ROBO1: variants seen among roughly 807,000 people sequenced by gnomAD.
ROBO1 encodes roundabout homolog 1.
A neutral mutation model predicts 195.9 loss-of-function variants in ROBO1; 149 were observed. The observed-to-expected ratio is 0.76, with a 90% CI of 0.67 to 0.87. ROBO1 has a LOEUF of 0.87. Ranked by LOEUF, ROBO1 falls within the 40% of genes least tolerant of loss-of-function variation. The pLI is 0.00. For synonymous variants in ROBO1, 816 were observed against 733.2 expected, an observed-to-expected ratio of 1.11 and a Z score of -1.82; for missense variants, 1,933 against 2,068.3, an observed-to-expected ratio of 0.93 and a Z score of 1.27.
At chr3:78,744,916 T>C (rs1344802735) in intron 5 of ROBO1, among the ~76,000 whole-genome samples, 1 of 152,208 alleles carries the variant, frequency 6.6e-6, no homozygotes, top group East Asian at 1.9e-4. Flanking sequence ...TTACTGTATA[T>C]TACACTTATT....
intron 2 of ROBO1, among the ~76,000 whole-genome samples, chr3:79,532,598 A>G (rs762173668): frequency 4.6e-5 from 7 of 150,992 alleles, no homozygotes; most frequent in Non-Finnish European, 8.8e-5. Context: ...CAGGCAACAC[A>G]TATTTAAACT....
intron 8 of ROBO1, among the ~76,000 whole-genome samples, chr3:78,690,322 T>C (rs2081144447): frequency 6.6e-6 from 1 of 151,948 alleles, no homozygotes; most frequent in South Asian, 2.1e-4. Flanking sequence ...TTATAACATT[T>C]GACTAGAAAA....
At chr3:79,437,620 C>T (rs1292839223) in intron 2 of ROBO1, among the ~76,000 whole-genome samples, 1 of 151,910 alleles carries the variant, frequency 6.6e-6, no homozygotes, top group Non-Finnish European at 1.5e-5. Flanking sequence ...ATAACTCTCA[C>T]GTAGACAATA....
chr3:79,668,748 C>G (rs1946545801), intron 1 of ROBO1, among the ~76,000 whole-genome samples: 1 of 151,602 alleles, frequency 6.6e-6, no homozygotes, highest in Non-Finnish European at 1.5e-5. Flanking sequence ...ACTTGGCAAC[C>G]TAAATGTAAG....
rs1409342409 is a variant in ROBO1, at chr3:78,982,193, AATC to A, written c.173-43269_173-43267del. Among the ~76,000 whole-genome samples the A allele has an allele frequency of 3.1e-4, 47 of 152,060 alleles. 1 individual carries two copies. Among genetic ancestry groups the A allele is most frequent in the Non-Finnish European group, 8.8e-5 (6 of 68,008 alleles). On this transcript the variant is annotated intron_variant, in intron 3 of 30. Transcript: ENST00000464233. ...TTTCGGCTCACTGATTTCTCCTAAT[AATC>A]ATTTACTACCCCTCGGAATTACCTA... is the stretch of plus-strand genomic sequence containing the variant.
chr3:79,671,017 G>T (rs1276923470), intron 1 of ROBO1, among the ~76,000 whole-genome samples: 1 of 151,720 alleles, frequency 6.6e-6, no homozygotes, highest in Non-Finnish European at 1.5e-5. Context: ...TATATCATGG[G>T]TAAATACATT....
At chr3:78,801,395 T>C (rs1205869903) in intron 4 of ROBO1, among the ~76,000 whole-genome samples, 2 of 152,172 alleles carry the variant, frequency 1.3e-5, no homozygotes. Flanking sequence ...TCTAGACATT[T>C]AATGCTTCAA....
At chr3:79,660,899 A>T (rs1160006267) in intron 1 of ROBO1, among the ~76,000 whole-genome samples, 1 of 152,124 alleles carries the variant, frequency 6.6e-6, no homozygotes, top group Admixed American at 6.6e-5. Flanking sequence ...AAGGAAACTT[A>T]AAACTGTTAA....
chr3:79,432,146 A>G (rs1207798237), intron 2 of ROBO1, among the ~76,000 whole-genome samples: 1 of 152,100 alleles, frequency 6.6e-6, no homozygotes, highest in African/African-American at 2.4e-5. Context: ...TTGTAAAGAA[A>G]GATACAGAGG....
At position 79,138,595 on chromosome 3, in the gene ROBO1, C is replaced by G. The variant is rs988941186; in HGVS notation, c.89-13056G>C. The stretch of plus-strand genomic sequence containing the variant: ...TTATGCACACATTTGGAAATAGAAT[C>G]TTATTTAACTTAATTCAGGTAAGGG... On this transcript the variant is annotated intron_variant, in intron 2 of 30. Coordinates refer to ENST00000464233, the MANE Select transcript of ROBO1 (RefSeq NM_002941.4). Among the ~76,000 whole-genome samples, 3 of 151,846 alleles carry G rather than the reference C, an allele frequency of 2.0e-5. No homozygotes were observed. In the South Asian group the frequency reaches 6.2e-4, roughly 31 times the overall value.
intron 2 of ROBO1, among the ~76,000 whole-genome samples, chr3:79,243,600 T>C (rs1411913886): frequency 2.0e-5 from 3 of 152,144 alleles, no homozygotes; most frequent in African/African-American, 7.2e-5. Context: ...ATGAGCATTT[T>C]TTCATGTGTC....
chr3:79,695,877 TA>T (rs1417729329), intron 1 of ROBO1, among the ~76,000 whole-genome samples: 1 of 151,432 alleles, frequency 6.6e-6, no homozygotes, highest in Non-Finnish European at 1.5e-5. Flanking sequence ...ACACCATGAG[TA>T]AATAATATAT....
intron 3 of ROBO1, among the ~76,000 whole-genome samples, chr3:79,007,330 G>T (rs901633743): frequency 6.6e-6 from 1 of 152,156 alleles, no homozygotes; most frequent in Non-Finnish European, 1.5e-5. Context: ...TCTATGCTAT[G>T]AAGAAATAAT....
intron 3 of ROBO1, among the ~76,000 whole-genome samples, chr3:79,029,127 CTG>C (rs1471993042): frequency 6.6e-6 from 1 of 152,008 alleles, no homozygotes; most frequent in Non-Finnish European, 1.5e-5. Flanking sequence ...ATCAACCTAT[CTG>C]TGTAATGTGC....
At chr3:79,668,633 G>C (rs867429807) in intron 1 of ROBO1, among the ~76,000 whole-genome samples, 3 of 151,232 alleles carry the variant, frequency 2.0e-5, no homozygotes, top group South Asian at 4.2e-4. Flanking sequence ...AATAAACATA[G>C]AAATAAGCAA....
intron 2 of ROBO1, among the ~76,000 whole-genome samples, chr3:79,290,807 A>C (rs1223896922): frequency 6.6e-6 from 1 of 152,078 alleles, no homozygotes; most frequent in Non-Finnish European, 1.5e-5. Flanking sequence ...CCTTTATTCA[A>C]GGCTATTTTT....
chr3:79,039,975 G>A (rs2078454946), intron 3 of ROBO1, among the ~76,000 whole-genome samples: 1 of 151,866 alleles, frequency 6.6e-6, no homozygotes, highest in Admixed American at 6.6e-5. Context: ...CTGATATATG[G>A]TAAATGCTCA....
At chr3:79,198,302 C>T (rs1346932143) in intron 2 of ROBO1, among the ~76,000 whole-genome samples, 2 of 152,070 alleles carry the variant, frequency 1.3e-5, no homozygotes, top group African/African-American at 4.8e-5. Context: ...GGAATCCTTT[C>T]TCCATTTTTT....
chr3:79,144,824 C>T (rs190991133), intron 2 of ROBO1, among the ~76,000 whole-genome samples: 95 of 151,948 alleles, frequency 6.3e-4, no homozygotes, highest in Non-Finnish European at 1.3e-3. Context: ...ATCCATCAGA[C>T]GGAAATCTGT....
Sources: allele counts gnomAD v4.1 joint callset (sites outside exome capture counted in the v4.1 genomes callset), GRCh38; gene constraint gnomAD v4.1.1; transcripts MANE v1.5; gene names NCBI Gene and HGNC (gene_info 2026-07-23, HGNC 2026-07-21).